The following NOS1AP variants were observed in gnomAD, a reference collection of about 807,000 sequenced individuals.
NOS1AP encodes nitric oxide synthase 1 adaptor protein, also known as carboxyl-terminal PDZ ligand of neuronal nitric oxide synthase protein.
A neutral mutation model predicts 56.2 loss-of-function variants in NOS1AP; 21 were observed. The ratio of observed to expected loss-of-function variants is 0.37; its 90% confidence interval spans 0.26 to 0.54. NOS1AP has a LOEUF of 0.54. Ranked by LOEUF, NOS1AP falls within the 20% of genes least tolerant of loss-of-function variation. NOS1AP has a pLI of 0.84. For synonymous variants in NOS1AP, 270 were observed against 274.6 expected (o/e 0.98, Z 0.17); for missense variants, 522 against 657.8 (o/e 0.79, Z 2.26).
chr1:162,151,449 G>A (rs1235246657), intron 1 of NOS1AP, among the ~76,000 whole-genome samples: 2 of 152,192 alleles, frequency 1.3e-5, no homozygotes, highest in Non-Finnish European at 2.9e-5. Flanking sequence ...CAGGTAATGT[G>A]ATTCCTTCAG....
At chr1:162,250,440 G>A (rs1269671142) in intron 2 of NOS1AP, among the ~76,000 whole-genome samples, 1 of 152,230 alleles carries the variant, frequency 6.6e-6, no homozygotes, top group East Asian at 1.9e-4. Flanking sequence ...AAGCAAAACA[G>A]CAGCAGAAGC....
intron 2 of NOS1AP, among the ~76,000 whole-genome samples, chr1:162,228,618 G>C (rs572598281): frequency 6.6e-6 from 1 of 152,318 alleles, no homozygotes; most frequent in South Asian, 2.1e-4. Context: ...AGGAGTAAGG[G>C]CAAGCTGGCA....
chr1:162,257,784 G>A (rs1654081436), intron 2 of NOS1AP, among the ~76,000 whole-genome samples: 2 of 152,148 alleles, frequency 1.3e-5, no homozygotes, highest in African/African-American at 4.8e-5. Flanking sequence ...GTATCTTGAG[G>A]CCTCTGTGGC....
intron 2 of NOS1AP, among the ~76,000 whole-genome samples, chr1:162,258,618 A>T (rs978998929): frequency 2.0e-5 from 3 of 152,220 alleles, no homozygotes; most frequent in East Asian, 3.9e-4. Context: ...CCCTTAACAT[A>T]TACAGTGGAA....
intron 3 of NOS1AP, among the ~76,000 whole-genome samples, chr1:162,300,082 G>A (rs1410689588): frequency 2.6e-5 from 4 of 152,204 alleles, no homozygotes; most frequent in East Asian, 3.9e-4. Context: ...TGACAAAGGC[G>A]GATGAAGGTA....
rs553544314 is a variant in NOS1AP at position 162,083,544 on chromosome 1, A to G, written c.105+13262A>G. Among the ~76,000 whole-genome samples the G allele has an allele frequency of 3.2e-4, 48 of 152,238 alleles. No homozygotes were observed. The Middle Eastern group carries it at 0.017, about 54-fold the overall frequency. ...GTGTGAGCCACTGTGCCTGGCCTCA[A>G]ATTGGCTCTTTAATGTGGCTAGATT... On this transcript the variant is annotated intron_variant, in intron 1 of 9. Coordinates refer to ENST00000361897, the MANE Select transcript of NOS1AP (RefSeq NM_014697.3).
intron 2 of NOS1AP, among the ~76,000 whole-genome samples, chr1:162,167,236 A>G: frequency 6.6e-6 from 1 of 152,178 alleles, no homozygotes; most frequent in East Asian, 1.9e-4. Flanking sequence ...TAATATTAGC[A>G]ATTTACCTGT....
intron 4 of NOS1AP, among the ~76,000 whole-genome samples, chr1:162,322,772 A>G (rs1487553473): frequency 1.3e-5 from 2 of 152,220 alleles, no homozygotes; most frequent in Non-Finnish European, 2.9e-5. Flanking sequence ...ACTTGGAAAC[A>G]TAAGAGGAAT....
chr1:162,121,829 G>T (rs532652410), intron 1 of NOS1AP, among the ~76,000 whole-genome samples: 1 of 152,274 alleles, frequency 6.6e-6, no homozygotes, highest in African/African-American at 2.4e-5. Flanking sequence ...TTGGGGATAT[G>T]GGATAATTGT....
chr1:162,220,197 G>C (rs1258710552), intron 2 of NOS1AP, among the ~76,000 whole-genome samples: 1 of 152,198 alleles, frequency 6.6e-6, no homozygotes, highest in Non-Finnish European at 1.5e-5. Context: ...GGGCTTATAG[G>C]TGTGAGCCCC....
At chr1:162,107,466 T>C (rs1387335376) in intron 1 of NOS1AP, among the ~76,000 whole-genome samples, 1 of 152,160 alleles carries the variant, frequency 6.6e-6, no homozygotes, top group African/African-American at 2.4e-5. Context: ...TCTTAGTAGC[T>C]AGGACTATAG....
intron 2 of NOS1AP, among the ~76,000 whole-genome samples, chr1:162,170,940 CAA>C (rs71650179): frequency 6.2e-5 from 8 of 128,278 alleles, no homozygotes; most frequent in African/African-American, 5.7e-5. Context: ...AACTCCATCT[CAA>C]AAAAAAAAAA....
intron 2 of NOS1AP, among the ~76,000 whole-genome samples, chr1:162,206,335 G>A (rs1203009594): frequency 6.6e-5 from 10 of 152,130 alleles, no homozygotes; most frequent in African/African-American, 2.4e-4. Context: ...AGTCGGATCT[G>A]TGAGAGGATG....
chr1:162,172,993 C>A (rs1650874032), intron 2 of NOS1AP, among the ~76,000 whole-genome samples: 1 of 151,590 alleles, frequency 6.6e-6, no homozygotes, highest in East Asian at 1.9e-4. Flanking sequence ...GCAATCTTGG[C>A]TCATTGCAAC....
At chr1:162,240,308 A>G (rs937163323) in intron 2 of NOS1AP, among the ~76,000 whole-genome samples, 2 of 149,308 alleles carry the variant, frequency 1.3e-5, no homozygotes, top group Non-Finnish European at 2.9e-5. Context: ...CTCACCTGGC[A>G]CGTGGATTGG....
At chr1:162,178,910 G>A (rs4526593) in intron 2 of NOS1AP, among the ~76,000 whole-genome samples, 79,454 of 151,934 alleles carry the variant, frequency 0.52, 22,734 homozygotes, top group East Asian at 0.76. Context: ...AGTTTAGTCC[G>A]TCTTATACCT....
chr1:162,319,314 G>A (rs1245672119), intron 4 of NOS1AP, among the ~76,000 whole-genome samples: 5 of 152,112 alleles, frequency 3.3e-5, no homozygotes, highest in Admixed American at 2.6e-4. Flanking sequence ...CTGTATTGCA[G>A]TAGGCTCTTG....
chr1:162,258,187 T>C (rs1654094518), intron 2 of NOS1AP, among the ~76,000 whole-genome samples: 1 of 152,158 alleles, frequency 6.6e-6, no homozygotes, highest in African/African-American at 2.4e-5. Context: ...TGGCAAACCC[T>C]AGTCACCCTT....
At chr1:162,252,195 T>C (rs1653886634) in intron 2 of NOS1AP, among the ~76,000 whole-genome samples, 1 of 151,996 alleles carries the variant, frequency 6.6e-6, no homozygotes. Context: ...TATAGGTGTG[T>C]GCTACCATGT....
Sources: allele counts gnomAD v4.1 joint callset (sites outside exome capture counted in the v4.1 genomes callset), GRCh38; gene constraint gnomAD v4.1.1; transcripts MANE v1.5; gene names NCBI Gene and HGNC (gene_info 2026-07-23, HGNC 2026-07-21).